Variants in NUB1 observed in about 807,000 individuals in gnomAD.
NUB1 encodes the protein NEDD8 ultimate buster 1.
In NUB1, 41 loss-of-function variants were observed where a neutral mutation model predicts 77.1. The observed-to-expected ratio is 0.53, with a 90% CI of 0.41 to 0.69. NUB1 has a LOEUF of 0.69. Among genes scored for constraint, NUB1 ranks in the 30% least tolerant of loss-of-function variants. The probability of loss-of-function intolerance (pLI) is 0.00; values close to 1 mark genes in which losing one functional copy is unlikely to be tolerated. For missense variants in NUB1, 643 were observed against 743.8 expected (o/e 0.86, Z 1.58); for synonymous variants, 257 against 281.0 (o/e 0.91, Z 0.85).
intron 1 of NUB1, among the ~76,000 whole-genome samples, chr7:151,343,325 G>A (rs748404521): frequency 6.6e-6 from 1 of 151,950 alleles, no homozygotes; most frequent in Non-Finnish European, 1.5e-5. Flanking sequence ...TCTTGTCCCC[G>A]CACTGACATA....
intron 1 of NUB1, 104 bp from the exon 2 acceptor site, chr7:151,345,244 G>A (rs1266525898): frequency 1.3e-5 from 9 of 670,828 alleles, no homozygotes; most frequent in African/African-American, 5.6e-5. Context: ...AATGACAGAG[G>A]AAGGGAGCTT....
In NUB1 at chr7:151,376,690, A is replaced by T. The variant is rs1798290235; in HGVS notation, c.1548A>T (p.Arg516Ser). 3 of 1,610,820 alleles carry T rather than the reference A, an allele frequency of 1.9e-6. No individual in the cohort carries two copies. In the Admixed American group the frequency reaches 5.0e-5, roughly 27 times the overall value. ...CCGAAGCTGCGCTGAGAGTGTTCAGAGGCAACGTCCAGCTGGCCGCCCAGA... is the reference window on the plus strand; with the variant it reads ...CCGAAGCTGCGCTGAGAGTGTTCAGTGGCAACGTCCAGCTGGCCGCCCAGA... Reference protein sequence around the residue: ...LVAEAALRVFRGNVQLAAQTL... With the variant: ...LVAEAALRVFSGNVQLAAQTL... The change falls in exon 14 of 15, where the codon AGA becomes AGT. Residue 516 changes from arginine (R) to serine (S), a missense_variant. Transcript: ENST00000568733.
intron 4 of NUB1, 22 bp downstream of exon 4, chr7:151,351,504 G>A (rs866031036): frequency 1.3e-6 from 2 of 1,591,026 alleles, no homozygotes; most frequent in African/African-American, 2.7e-5. Context: ...TGTGCTCTGT[G>A]TCCTAGGTGC....
chr7:151,355,664 C>T (rs1797030871), intron 5 of NUB1, 104 bp from the exon 6 acceptor site: 3 of 1,162,622 alleles, frequency 2.6e-6, no homozygotes. Context: ...CAGAGTGAGA[C>T]CTTGTCTCAA....
chr7:151,360,469 T>A (rs1378418372), intron 8 of NUB1: 3 of 458,978 alleles, frequency 6.5e-6, no homozygotes, highest in Admixed American at 7.2e-5. Context: ...TAGGATATCC[T>A]CTCTTCTTCT....
At chr7:151,358,787 G>A (rs565259577) in intron 7 of NUB1, among the ~76,000 whole-genome samples, 108 of 152,274 alleles carry the variant, frequency 7.1e-4, no homozygotes, top group African/African-American at 2.0e-3. Flanking sequence ...TTTTGGGGCC[G>A]GGCGCGGTGG....
intron 2 of NUB1, 54 bp downstream of exon 2, chr7:151,345,520 A>G (rs908167597): frequency 6.1e-6 from 6 of 979,794 alleles, no homozygotes; most frequent in Non-Finnish European, 7.7e-6. Context: ...CTCCTTGGTA[A>G]ATAAGATTCT....
intron 11 of NUB1, 98 bp from the exon 12 acceptor site, chr7:151,373,996 TGGC>T: frequency 7.4e-7 from 1 of 1,351,508 alleles, no homozygotes; most frequent in Non-Finnish European, 9.9e-7. Context: ...TTTGGTTTTT[TGGC>T]TTTGCCTGGA....
Position 151,376,755 on chromosome 7 carries a change from C to T in NUB1, c.1613C>T (p.Pro538Leu), listed in dbSNP as rs540048699. 25 of 1,596,732 alleles carry T rather than the reference C, an allele frequency of 1.6e-5. No individual in the cohort carries two copies. The highest frequency in any genetic ancestry group is 1.7e-4 in the Middle Eastern group (1 of 6,028). Residue 538 changes from proline to leucine, a missense_variant, in exon 14 of 15, where the codon CCG becomes CTG. Pro to Leu is a moderately conservative substitution (Grantham distance 98, BLOSUM62 -3). Transcript: ENST00000568733. ...GGAGGAAGCCTGCCTCCCGAGCTGC[C>T]GCTGTCGCCAGAAGACTCTTTGTCC... ...HNGGSLPPELPLSPEDSLSPP... is the reference protein window; with the variant it reads ...HNGGSLPPELLLSPEDSLSPP...
At position 151,367,040 on chromosome 7, in the gene NUB1, A is replaced by C. The variant is rs1409286171; in HGVS notation, c.902A>C (p.Asp301Ala). ...YFRLEQLECLDDAEKKLNLAQ... is the reference protein window; with the variant it reads ...YFRLEQLECLADAEKKLNLAQ... ...CGCCTGGAACAGCTGGAATGCCTTG[A>C]TGATGCAGAAAAAAAATTAAACTTG... The change falls in exon 9 of 15, where the codon GAT becomes GCT. Residue 301 changes from aspartate (D) to alanine (A), a missense_variant. Coordinates refer to ENST00000568733, the MANE Select transcript of NUB1 (RefSeq NM_001243351.2). 1 of 1,613,842 alleles carries C rather than the reference A, an allele frequency of 6.2e-7. No individual in the cohort carries two copies. The highest frequency in any genetic ancestry group is 1.3e-5 in the African/African-American group (1 of 74,910).
chr7:151,350,653 T>A (rs933014405), intron 3 of NUB1, among the ~76,000 whole-genome samples: 1 of 152,274 alleles, frequency 6.6e-6, no homozygotes, highest in Non-Finnish European at 1.5e-5. Flanking sequence ...TCATATATAA[T>A]CATATCTATA....
chr7:151,358,057 C>A (rs1455005938), intron 7 of NUB1, among the ~76,000 whole-genome samples: 1 of 152,056 alleles, frequency 6.6e-6, no homozygotes, highest in Non-Finnish European at 1.5e-5. Context: ...CTCACTGCAA[C>A]CTCCGCCTCC....
chr7:151,366,039 G>A (rs1490121335), intron 8 of NUB1, among the ~76,000 whole-genome samples: 1 of 152,146 alleles, frequency 6.6e-6, no homozygotes, highest in African/African-American at 2.4e-5. Flanking sequence ...ACAATGTGTG[G>A]TTCCAAATGT....
At chr7:151,359,239 C>G (rs1028356682) in intron 7 of NUB1, among the ~76,000 whole-genome samples, 13 of 140,918 alleles carry the variant, frequency 9.2e-5, no homozygotes, top group African/African-American at 3.5e-4. Context: ...AAGATCGAGA[C>G]CATCCTGGCT....
At chr7:151,371,616 A>T (rs899445971) in intron 11 of NUB1, among the ~76,000 whole-genome samples, 6 of 152,208 alleles carry the variant, frequency 3.9e-5, no homozygotes, top group Non-Finnish European at 8.8e-5. Flanking sequence ...GGGTGCTGGA[A>T]AGACAAAAAC....
At position 151,342,037 on chromosome 7, in the gene NUB1, G is replaced by C. The variant is rs973500104; in HGVS notation, c.-3+191G>C. The C allele has an allele frequency of 2.4e-5, 26 of 1,097,312 alleles. No homozygotes were observed. The African/African-American group carries it at 3.6e-4, about 15-fold the overall frequency. The allele number at this position is 1,097,312 out of a possible 1,614,324, so 68.0% of individuals were successfully genotyped here. On this transcript the variant is annotated intron_variant, in intron 1 of 14. Coordinates refer to ENST00000568733, the MANE Select transcript of NUB1 (RefSeq NM_001243351.2). ...GGAGCGGTGGGCCGGGCTTCGGGACGCGCTGGCCGTTCGGGGCCCTTTGGT... is the reference window on the plus strand; with the variant it reads ...GGAGCGGTGGGCCGGGCTTCGGGACCCGCTGGCCGTTCGGGGCCCTTTGGT...
At chr7:151,350,081 G>T (rs979906360) in intron 3 of NUB1, among the ~76,000 whole-genome samples, 1 of 152,224 alleles carries the variant, frequency 6.6e-6, no homozygotes, top group Non-Finnish European at 1.5e-5. Flanking sequence ...GGAGAGAGAG[G>T]ACAGCTTACG....
At chr7:151,372,195 CT>C (rs1797990569) in intron 11 of NUB1, among the ~76,000 whole-genome samples, 1 of 152,228 alleles carries the variant, frequency 6.6e-6, no homozygotes, top group African/African-American at 2.4e-5. Flanking sequence ...TACAGTGCCT[CT>C]CTCTTGAGAT....
chr7:151,364,007 T>G (rs1171555435), intron 8 of NUB1, among the ~76,000 whole-genome samples: 1 of 151,650 alleles, frequency 6.6e-6, no homozygotes, highest in Non-Finnish European at 1.5e-5. Flanking sequence ...TTGGCCAGGA[T>G]GGTCTTGAAC....
Sources: gnomAD v4.1 joint callset for allele counts (sites outside exome capture counted in the v4.1 genomes callset) on GRCh38, gnomAD v4.1.1 for gene constraint, MANE v1.5 for transcripts, NCBI Gene and HGNC (gene_info 2026-07-23, HGNC 2026-07-21) for gene names.